The following ANTXR1 variants were observed in gnomAD, a reference collection of about 807,000 sequenced individuals.
ANTXR1 encodes the protein anthrax toxin receptor 1.
In ANTXR1, 19 loss-of-function variants were observed where a neutral mutation model predicts 78.1. The observed-to-expected ratio is 0.24, with a 90% CI of 0.17 to 0.36. The LOEUF is 0.36. Ranked by LOEUF, ANTXR1 falls within the 10% of genes least tolerant of loss-of-function variation. ANTXR1 has a pLI of 1.00. For synonymous variants in ANTXR1, 273 were observed against 260.5 expected (o/e 1.05, Z -0.46); for missense variants, 518 against 718.6 (o/e 0.72, Z 3.19).
chr2:69,173,643 C>T (rs1457566756), intron 14 of ANTXR1, among the ~76,000 whole-genome samples: 4 of 152,148 alleles, frequency 2.6e-5, no homozygotes, highest in Non-Finnish European at 5.9e-5. Context: ...AAAGCTACAC[C>T]CAGGAATCCA....
intron 3 of ANTXR1, among the ~76,000 whole-genome samples, chr2:69,066,589 C>T (rs1670406550): frequency 6.6e-6 from 1 of 151,896 alleles, no homozygotes; most frequent in African/African-American, 2.4e-5. Context: ...ATTCCTAGAA[C>T]AACAGAAAGC....
chr2:69,208,628 G>T (rs1362521638), intron 17 of ANTXR1, among the ~76,000 whole-genome samples: 2 of 152,180 alleles, frequency 1.3e-5, no homozygotes, highest in Non-Finnish European at 2.9e-5. Context: ...AGGCCCATGT[G>T]GTTTATGTTA....
At chr2:69,192,628 A>G (rs549176528) in intron 16 of ANTXR1, among the ~76,000 whole-genome samples, 2 of 152,306 alleles carry the variant, frequency 1.3e-5, no homozygotes, top group East Asian at 1.9e-4. Context: ...GTAAGGTAAC[A>G]TATTCACAGG....
At chr2:69,240,021 G>A (rs1027454614) in intron 17 of ANTXR1, among the ~76,000 whole-genome samples, 1 of 152,240 alleles carries the variant, frequency 6.6e-6, no homozygotes, top group African/African-American at 2.4e-5. Context: ...GAAGTACATA[G>A]GATTCTTGCT....
rs546946185 is a variant in ANTXR1, at chr2:69,166,428, G to A, written c.1048-3820G>A. Among the ~76,000 whole-genome samples the A allele has an allele frequency of 2.9e-4, 44 of 152,028 alleles. No individual in the cohort carries two copies. The South Asian group carries it at 6.6e-3, about 23-fold the overall frequency. ...TTCCATATTCCATCTCATTTTTCCC[G>A]TCCCCTTTACCTCACCAGCCCATCT... On this transcript the variant is annotated intron_variant, in intron 13 of 17. Coordinates refer to ENST00000303714, the MANE Select transcript of ANTXR1 (RefSeq NM_032208.3).
At chr2:69,018,935 T>G (rs1042694648) in intron 1 of ANTXR1, among the ~76,000 whole-genome samples, 1 of 152,188 alleles carries the variant, frequency 6.6e-6, no homozygotes, top group East Asian at 1.9e-4. Flanking sequence ...AAATCAGCTG[T>G]AGTTGATGGA....
At chr2:69,148,200 T>C (rs1673283375) in intron 12 of ANTXR1, among the ~76,000 whole-genome samples, 2 of 150,110 alleles carry the variant, frequency 1.3e-5, no homozygotes, top group South Asian at 4.3e-4. Flanking sequence ...CTCCTCAGCC[T>C]GGCTTGTGTG....
intron 13 of ANTXR1, among the ~76,000 whole-genome samples, chr2:69,163,073 A>T (rs1043079283): frequency 1.3e-5 from 2 of 152,192 alleles, no homozygotes; most frequent in African/African-American, 4.8e-5. Context: ...ATACTTCAGT[A>T]AATATGGCTC....
At chr2:69,046,212 A>T (rs1373430594) in intron 3 of ANTXR1, among the ~76,000 whole-genome samples, 1 of 152,128 alleles carries the variant, frequency 6.6e-6, no homozygotes, top group Non-Finnish European at 1.5e-5. Context: ...CATGCTGTCC[A>T]TGCCCCATGC....
intron 17 of ANTXR1, among the ~76,000 whole-genome samples, chr2:69,218,702 A>C (rs1675239683): frequency 6.6e-6 from 1 of 152,200 alleles, no homozygotes. Context: ...TGAAAATCAC[A>C]CTGGGAACAA....
intron 12 of ANTXR1, among the ~76,000 whole-genome samples, chr2:69,127,406 A>G (rs548004219): frequency 3.9e-5 from 6 of 152,106 alleles, no homozygotes; most frequent in African/African-American, 1.4e-4. Flanking sequence ...GCAGGCAGGG[A>G]GGTGCCATCC....
At chr2:69,217,032 A>G (rs1264311053) in intron 17 of ANTXR1, among the ~76,000 whole-genome samples, 1 of 152,242 alleles carries the variant, frequency 6.6e-6, no homozygotes, top group Non-Finnish European at 1.5e-5. Context: ...AAATGCAGAT[A>G]AACTACATCT....
intron 17 of ANTXR1, among the ~76,000 whole-genome samples, chr2:69,212,250 G>C (rs369439191): frequency 5.2e-4 from 79 of 152,320 alleles, no homozygotes; most frequent in African/African-American, 1.8e-3. Context: ...AGAAAGAGAG[G>C]AGAAAACCAG....
At chr2:69,031,413 GA>G (rs1671527772) in intron 1 of ANTXR1, among the ~76,000 whole-genome samples, 1 of 152,120 alleles carries the variant, frequency 6.6e-6, no homozygotes. Flanking sequence ...CCATAAATGT[GA>G]AAAAATTATG....
intron 16 of ANTXR1, among the ~76,000 whole-genome samples, chr2:69,185,274 C>T (rs1321466592): frequency 2.0e-5 from 3 of 152,214 alleles, no homozygotes; most frequent in African/African-American, 7.2e-5. Context: ...GGCGCAGTGG[C>T]TCATGCCTGT....
At chr2:69,164,169 T>C (rs1404329194) in intron 13 of ANTXR1, among the ~76,000 whole-genome samples, 1 of 152,168 alleles carries the variant, frequency 6.6e-6, no homozygotes, top group Non-Finnish European at 1.5e-5. Context: ...CATGGAAGCC[T>C]GGGTTAGGGG....
intron 17 of ANTXR1, among the ~76,000 whole-genome samples, chr2:69,240,305 C>A (rs889868511): frequency 1.3e-5 from 2 of 152,260 alleles, no homozygotes; most frequent in Non-Finnish European, 2.9e-5. Context: ...GCTCACCAAC[C>A]AGTTAAGGAG....
In ANTXR1 at chr2:69,038,748, G is replaced by A. The variant is rs533429311; in HGVS notation, c.153-1296G>A. Among the ~76,000 whole-genome samples, 44 of 152,266 alleles carry A rather than the reference G, an allele frequency of 2.9e-4. 2 individuals are homozygous for A. The South Asian group carries it at 8.5e-3, about 29-fold the overall frequency. On this transcript the variant is annotated intron_variant, in intron 1 of 17. Coordinates refer to ENST00000303714, the MANE Select transcript of ANTXR1 (RefSeq NM_032208.3). ...TTGAATGTGAATTTGAGGAAAGTGA[G>A]ACATCCTTATGACACAGAGTATCTA... is the stretch of plus-strand genomic sequence containing the variant.
intron 16 of ANTXR1, among the ~76,000 whole-genome samples, chr2:69,190,381 G>A (rs1674519674): frequency 6.6e-6 from 1 of 152,116 alleles, no homozygotes; most frequent in Non-Finnish European, 1.5e-5. Context: ...AATAGAAGAT[G>A]GACAGATGCA....
Sources: gnomAD v4.1 joint callset for allele counts (sites outside exome capture counted in the v4.1 genomes callset) on GRCh38, gnomAD v4.1.1 for gene constraint, MANE v1.5 for transcripts, NCBI Gene and HGNC (gene_info 2026-07-23, HGNC 2026-07-21) for gene names.